Variants in PHF14 observed in about 807,000 individuals in gnomAD.
PHF14 encodes the protein PHD finger protein 14.
Under a neutral mutation model 117.9 loss-of-function variants are expected in PHF14, and 55 were observed. The observed-to-expected ratio is 0.47, with a 90% CI of 0.38 to 0.58. The LOEUF (loss-of-function observed/expected upper bound fraction) is 0.58, where lower values mean the gene tolerates loss of function less well. Ranked by LOEUF, PHF14 falls within the 20% of genes least tolerant of loss-of-function variation. PHF14 has a pLI of 0.00. For missense variants in PHF14, 978 were observed against 1,122.2 expected (o/e 0.87, Z 1.84); for synonymous variants, 409 against 368.6 (o/e 1.11, Z -1.26).
intron 7 of PHF14, among the ~76,000 whole-genome samples, chr7:11,033,230 G>T (rs749391240): frequency 6.6e-6 from 1 of 152,134 alleles, no homozygotes. Context: ...ACCAAGTAAC[G>T]AGTTGCTTAA....
intron 17 of PHF14, among the ~76,000 whole-genome samples, chr7:11,139,836 T>C (rs1788348639): frequency 6.6e-6 from 1 of 152,166 alleles, no homozygotes; most frequent in Non-Finnish European, 1.5e-5. Flanking sequence ...AAATTTTCCA[T>C]AGGGTATGAC....
chr7:11,154,430 A>G (rs1788786723), intron 17 of PHF14, among the ~76,000 whole-genome samples: 1 of 152,232 alleles, frequency 6.6e-6, no homozygotes, highest in Non-Finnish European at 1.5e-5. Flanking sequence ...TGTATTTGTA[A>G]GAATATGGCC....
In PHF14 at chr7:10,982,647, G is replaced by A. The variant is rs1191638371; in HGVS notation, c.388G>A (p.Glu130Lys). The A allele has an allele frequency of 3.9e-6, 6 of 1,541,158 alleles. No homozygotes were observed. The highest frequency in any genetic ancestry group is 4.4e-6 in the Non-Finnish European group (5 of 1,135,752). ...AGAAAAGGAAAAGGAGAAAGAGAAG[G>A]AAAGAGAGAAGGAAAAAGAAAAAGC... ...EKEKEKEKEK[E>K]REKEKEKATV... The change falls in exon 3 of 18, where the codon GAA (glutamate) becomes AAA (lysine). Residue 130 changes from glutamate (E) to lysine (K), a missense_variant. Glu to Lys is a moderately conservative substitution (Grantham distance 56, BLOSUM62 1). Around this residue, in one of 7 missense-constraint regions of PHF14, gnomAD observed 414 missense variants for 376.4 expected, o/e 1.10. Transcript: ENST00000634607.
chr7:11,122,611 A>G (rs1360602700), intron 17 of PHF14, among the ~76,000 whole-genome samples: 7 of 151,560 alleles, frequency 4.6e-5, no homozygotes, highest in African/African-American at 1.7e-4. Context: ...ATCATAGCAT[A>G]TGTTTCTTTA....
chr7:11,158,211 C>G (rs73065421), intron 17 of PHF14, among the ~76,000 whole-genome samples: 1 of 152,012 alleles, frequency 6.6e-6, no homozygotes, highest in South Asian at 2.1e-4. Context: ...CATTATGTCT[C>G]CTCAATCTCT....
chr7:11,030,998 T>C (rs188030419), intron 7 of PHF14, among the ~76,000 whole-genome samples: 125 of 152,332 alleles, frequency 8.2e-4, no homozygotes, highest in African/African-American at 2.7e-3. Flanking sequence ...GTTGTACTTA[T>C]GTACATAAGG....
At chr7:11,049,867 A>G (rs1368526331) in intron 13 of PHF14, among the ~76,000 whole-genome samples, 18 of 152,184 alleles carry the variant, frequency 1.2e-4, no homozygotes, top group South Asian at 2.1e-4. Flanking sequence ...TAATCTGACA[A>G]CCTAGGGGAT....
Position 11,051,834 on chromosome 7 carries a change from A to C in PHF14, c.2481+54A>C, listed in dbSNP as rs960459234. The C allele has an allele frequency of 8.2e-6, 12 of 1,467,652 alleles. No individual in the cohort carries two copies. In the African/African-American group the frequency reaches 1.7e-4, roughly 20 times the overall value. The allele number at this position is 1,467,652 out of a possible 1,614,324, so 90.9% of individuals were successfully genotyped here. A position where few individuals can be genotyped will look rare whatever the true frequency, so the allele number is the denominator to read the frequency against. ...TCATACAATTCTGAGGCCAAAATTT[A>C]AGAGAGTGAGAAAGACACAGGGCAA... On this transcript the variant is annotated intron_variant, in intron 14 of 17. Coordinates refer to ENST00000634607, the MANE Select transcript of PHF14 (RefSeq NM_001007157.2).
intron 17 of PHF14, among the ~76,000 whole-genome samples, chr7:11,146,942 G>A (rs1048377599): frequency 6.6e-6 from 1 of 152,212 alleles, no homozygotes. Flanking sequence ...AACTTCCTGG[G>A]CTCAAGCAAC....
chr7:11,013,619 C>T (rs1203974788), intron 4 of PHF14, 128 bp from the exon 5 acceptor site: 14 of 508,694 alleles, frequency 2.8e-5, no homozygotes, highest in African/African-American at 1.5e-4. Context: ...TATTTTAATA[C>T]GTTTCTTATA....
chr7:11,132,477 C>A (rs4719259), intron 17 of PHF14, among the ~76,000 whole-genome samples: 1,858 of 151,634 alleles, frequency 0.012, 26 homozygotes, highest in African/African-American at 0.043. Flanking sequence ...ACCACAATTT[C>A]TTTACCCATT....
chr7:11,037,446 G>T (rs1784350330), intron 10 of PHF14, among the ~76,000 whole-genome samples: 1 of 152,172 alleles, frequency 6.6e-6, no homozygotes, highest in Non-Finnish European at 1.5e-5. Flanking sequence ...GACAAATGAA[G>T]TCAGTTGGTG....
chr7:11,004,069 G>A (rs1012328420), intron 4 of PHF14, among the ~76,000 whole-genome samples: 1 of 151,844 alleles, frequency 6.6e-6, no homozygotes, highest in South Asian at 2.1e-4. Flanking sequence ...GCAATGTGGT[G>A]AAACCCTGTC....
intron 14 of PHF14, among the ~76,000 whole-genome samples, chr7:11,054,786 T>A (rs1255144778): frequency 6.6e-6 from 1 of 152,206 alleles, no homozygotes; most frequent in Non-Finnish European, 1.5e-5. Context: ...CTTACACTTT[T>A]ATTTCAGCAC....
intron 14 of PHF14, among the ~76,000 whole-genome samples, chr7:11,059,137 A>G (rs1358990783): frequency 3.3e-5 from 5 of 152,178 alleles, no homozygotes; most frequent in Non-Finnish European, 5.9e-5. Context: ...TGAATCACTA[A>G]TTGGCATTAT....
intron 3 of PHF14, among the ~76,000 whole-genome samples, chr7:10,985,680 T>A (rs761561069): frequency 4.1e-4 from 47 of 114,228 alleles, no homozygotes; most frequent in Non-Finnish European, 7.5e-4. Context: ...GGAGACAGGG[T>A]CTCACTCTGT....
chr7:10,982,309 TGTG>T, intron 2 of PHF14, 60 bp from the exon 3 acceptor site: 22 of 680,936 alleles, frequency 3.2e-5, no homozygotes, highest in Non-Finnish European at 2.4e-5. Context: ...GTGTCAGCGT[TGTG>T]TGTGTGTGTG....
intron 7 of PHF14, among the ~76,000 whole-genome samples, chr7:11,029,104 G>C (rs77846653): frequency 0.013 from 1,937 of 151,804 alleles, 44 homozygotes; most frequent in East Asian, 0.1. Flanking sequence ...TCAGCCCCAT[G>C]AATTATAGTT....
At chr7:11,061,872 C>A (rs746438844) in intron 15 of PHF14, 31 bp downstream of exon 15, 5 of 1,525,260 alleles carry the variant, frequency 3.3e-6, no homozygotes, top group South Asian at 1.3e-5. Flanking sequence ...TTTACACAGT[C>A]TTAACTTTGA....
Sources: gnomAD v4.1 joint callset for allele counts (sites outside exome capture counted in the v4.1 genomes callset) on GRCh38, gnomAD v4.1.1 for gene constraint, gnomAD v4.1.1 regional missense constraint, MANE v1.5 for transcripts, NCBI Gene and HGNC (gene_info 2026-07-23, HGNC 2026-07-21) for gene names.